Variants in CD58 observed in about 807,000 individuals in gnomAD.
CD58 encodes CD58 molecule.
In CD58, 14 loss-of-function variants were observed where a neutral mutation model predicts 27.6. That is an observed-to-expected ratio of 0.51 (90% confidence interval 0.34 to 0.79). CD58 has a LOEUF of 0.79. Among genes scored for constraint, CD58 ranks in the 30% least tolerant of loss-of-function variants. The probability of loss-of-function intolerance (pLI) is 0.02; values close to 1 mark genes in which losing one functional copy is unlikely to be tolerated. For synonymous variants in CD58, 117 were observed against 103.8 expected (o/e 1.13, Z -0.77); for missense variants, 268 against 301.7 (o/e 0.89, Z 0.83).
At position 116,546,660 on chromosome 1, in the gene CD58, T is replaced by G. The variant is rs542850559; in HGVS notation, c.71-2056A>C. 2.0e-5 allele frequency among the ~76,000 whole-genome samples: 3 copies of G among 152,352 alleles called. No individual in the cohort carries two copies. In the East Asian group the frequency reaches 5.8e-4, roughly 29 times the overall value. ...ACCCTGGCGGCATGAAGATGTCTTT[T>G]GTCTTTCCCAGGGAGAGCTGATGTA... On this transcript the variant is annotated intron_variant, in intron 1 of 5. Coordinates refer to ENST00000369489, the MANE Select transcript of CD58 (RefSeq NM_001779.3). This position sits in a 1 kb window ranked among gnomAD's most constrained non-coding sequence, Gnocchi z 4.1.
chr1:116,554,979 T>C (rs999525745), intron 1 of CD58, among the ~76,000 whole-genome samples: 2 of 151,954 alleles, frequency 1.3e-5, no homozygotes, highest in Admixed American at 1.3e-4. Context: ...AAAAGAACAA[T>C]AGAAGAAAGG....
chr1:116,536,292 T>C lies in CD58; in HGVS notation c.365-64A>G, dbSNP rs1299212212. The C allele has an allele frequency of 7.7e-7, 1 of 1,298,482 alleles. No individual in the cohort carries two copies. Among genetic ancestry groups the C allele is most frequent in the East Asian group, 2.5e-5 (1 of 39,490 alleles). The allele number at this position is 1,298,482 out of a possible 1,614,324, so 80.4% of individuals were successfully genotyped here. Reference sequence around the variant, plus strand: ...AATATTTAGACTTATCATCTGCAAATTTATGAAGAGCTCGCAACCTCCTTA... The same window carrying C: ...AATATTTAGACTTATCATCTGCAAACTTATGAAGAGCTCGCAACCTCCTTA... On this transcript the variant is annotated intron_variant, in intron 2 of 5. Coordinates refer to ENST00000369489, the MANE Select transcript of CD58 (RefSeq NM_001779.3). This position sits in a 1 kb window ranked among gnomAD's most constrained non-coding sequence, Gnocchi z 5.4.
intron 1 of CD58, among the ~76,000 whole-genome samples, chr1:116,562,138 G>A (rs545009484): frequency 6.6e-6 from 1 of 151,998 alleles, no homozygotes; most frequent in African/African-American, 2.4e-5. Context: ...GTCATCTAAT[G>A]TTCAGATTCA....
Position 116,532,866 on chromosome 1 carries a change from A to G in CD58, c.628+3099T>C. 1.5e-6 allele frequency: 1 copy of G among 668,732 alleles called. No individual in the cohort carries two copies. 41.4% of individuals were successfully genotyped at this position (668,732 alleles called of 1,614,324 possible). ...TCGACGGGATTGTGCCGCATGCGGC[A>G]AAGACTGAGGCCTCCCGCTACAGGC... On this transcript the variant is annotated intron_variant, in intron 3 of 5. Coordinates refer to ENST00000369489, the MANE Select transcript of CD58 (RefSeq NM_001779.3). This position sits in a 1 kb window ranked among gnomAD's most constrained non-coding sequence, Gnocchi z 5.1.
At position 116,521,197 on chromosome 1, in the gene CD58, GAT is replaced by G. The variant is rs1221912789; in HGVS notation, c.706+707_706+708del. On this transcript the variant is annotated intron_variant, in intron 4 of 5. Transcript: ENST00000369489. This position sits in a 1 kb window ranked among gnomAD's most constrained non-coding sequence, Gnocchi z 5.6. ...TTGATTCATGACACAATGGATCCTA[GAT>G]ACTATCACTTGTAGAAAGTTTACTC... is the stretch of plus-strand genomic sequence containing the variant. Among the ~76,000 whole-genome samples the G allele has an allele frequency of 1.3e-5, 2 of 152,232 alleles. No homozygotes were observed. The highest frequency in any genetic ancestry group is 4.8e-5 in the African/African-American group (2 of 41,528).
rs571293856 is a variant in CD58 at position 116,536,076 on chromosome 1, T to A, written c.517A>T (p.Ile173Leu). The A allele has an allele frequency of 1.2e-6, 2 of 1,613,566 alleles. No individual in the cohort carries two copies. Among genetic ancestry groups the A allele is most frequent in the Admixed American group, 1.7e-5 (1 of 59,992 alleles). Residue 173 changes from isoleucine to leucine, a missense_variant, in exon 3 of 6, where the codon ATA becomes TTA. Coordinates refer to ENST00000369489, the MANE Select transcript of CD58 (RefSeq NM_001779.3). The surrounding 1 kb of genome is among the most constrained non-coding windows in gnomAD (Gnocchi z 5.4). ...MEQCKRNSTS[I>L]YFKMENDLPQ... is the part of the protein sequence containing the mutation. ...AGATCATTTTCCATCTTAAAATATA[T>A]ACTGGTTGAGTTACGTTTACATTGC...
chr1:116,568,412 A>G (rs147699529), intron 1 of CD58, among the ~76,000 whole-genome samples: 2 of 152,360 alleles, frequency 1.3e-5, no homozygotes, highest in Middle Eastern at 3.4e-3. Flanking sequence ...CAACTGTCCT[A>G]AAGATTTTAA....
intron 5 of CD58, chr1:116,518,719 A>G (rs1024019014): frequency 1.9e-4 from 184 of 990,506 alleles, no homozygotes; most frequent in Non-Finnish European, 2.1e-4. Context: ...TTATTAAACC[A>G]ACACTGCTGC....
In CD58 at chr1:116,553,797, G is replaced by A. The variant is rs553687198; in HGVS notation, c.71-9193C>T. Among the ~76,000 whole-genome samples, 30 of 152,262 alleles carry A rather than the reference G, an allele frequency of 2.0e-4. No homozygotes were observed. In the East Asian group the frequency reaches 2.1e-3, roughly 11 times the overall value. On this transcript the variant is annotated intron_variant, in intron 1 of 5. Transcript: ENST00000369489. ...ATTAGGACCATCACCTTGGGAGAGC[G>A]TATGAAGTGGGAAAAGGCAGCTTGG...
rs562032036 is a variant in CD58, at chr1:116,515,341, T to C, written c.744-519A>G. On this transcript the variant is annotated intron_variant, in intron 5 of 5. Transcript: ENST00000369489. This position sits in a 1 kb window ranked among gnomAD's most constrained non-coding sequence, Gnocchi z 4.6. ...AAACCGAGTCCATTTCCCGGCCTCC[T>C]CCCCCGTGGTCTGCGTATTTCCACA... Among the ~76,000 whole-genome samples the C allele has an allele frequency of 7.2e-4, 109 of 152,200 alleles. No individual in the cohort carries two copies. The highest frequency in any genetic ancestry group is 1.2e-3 in the Non-Finnish European group (79 of 67,998).
chr1:116,533,035 C>CTCT, intron 3 of CD58: 2 of 729,304 alleles, frequency 2.7e-6, no homozygotes, highest in Non-Finnish European at 5.0e-6. Flanking sequence ...CTAATTCGTC[C>CTCT]TCTTCTTCTT....
chr1:116,562,149 A>C (rs1412460924), intron 1 of CD58, among the ~76,000 whole-genome samples: 1 of 152,170 alleles, frequency 6.6e-6, no homozygotes, highest in African/African-American at 2.4e-5. Context: ...TTCAGATTCA[A>C]CAATCTTTAC....
chr1:116,537,117 A>G (rs1474497803), intron 2 of CD58, among the ~76,000 whole-genome samples: 1 of 152,202 alleles, frequency 6.6e-6, no homozygotes, highest in Admixed American at 6.5e-5. Flanking sequence ...TTAGCCAGCC[A>G]TGATGGCTCC....
intron 1 of CD58, among the ~76,000 whole-genome samples, chr1:116,558,408 C>T (rs1039233757): frequency 2.0e-5 from 3 of 152,136 alleles, no homozygotes; most frequent in African/African-American, 4.8e-5. Flanking sequence ...CTTCACATCA[C>T]GGCACATTTT....
chr1:116,547,119 A>T (rs1414665095), intron 1 of CD58, among the ~76,000 whole-genome samples: 5 of 146,378 alleles, frequency 3.4e-5, no homozygotes, highest in Non-Finnish European at 7.4e-5. Flanking sequence ...TCTGGTGTAC[A>T]CTGTACCCAG....
At chr1:116,540,002 T>C (rs1490635563) in intron 2 of CD58, among the ~76,000 whole-genome samples, 2 of 152,236 alleles carry the variant, frequency 1.3e-5, no homozygotes, top group Admixed American at 6.5e-5. Context: ...TCACGAATTT[T>C]AGTAAAGGTC....
chr1:116,565,638 A>C (rs1658904582), intron 1 of CD58, among the ~76,000 whole-genome samples: 1 of 152,198 alleles, frequency 6.6e-6, no homozygotes, highest in South Asian at 2.1e-4. Context: ...ATACAAAAAA[A>C]TACATAGAGT....
chr1:116,543,174 A>T (rs1658046873), intron 2 of CD58, among the ~76,000 whole-genome samples: 1 of 152,170 alleles, frequency 6.6e-6, no homozygotes, highest in South Asian at 2.1e-4. Context: ...GGAGCAAGGA[A>T]GCTAAGTGTG....
chr1:116,548,280 T>C (rs1236136603), intron 1 of CD58, among the ~76,000 whole-genome samples: 2 of 152,270 alleles, frequency 1.3e-5, no homozygotes, highest in Non-Finnish European at 2.9e-5. Context: ...ATTGTTTATA[T>C]TGCTGTACAG....
Sources: gnomAD v4.1 joint callset for allele counts (sites outside exome capture counted in the v4.1 genomes callset) on GRCh38, gnomAD v4.1.1 for gene constraint, Gnocchi (gnomAD v3.1) non-coding constraint, MANE v1.5 for transcripts, NCBI Gene and HGNC (gene_info 2026-07-23, HGNC 2026-07-21) for gene names.